BORCS7: variants seen among roughly 807,000 people sequenced by gnomAD.
The protein encoded by BORCS7 is BLOC-1 related complex subunit 7.
Under a neutral mutation model 17.5 loss-of-function variants are expected in BORCS7, and 20 were observed. The ratio of observed to expected loss-of-function variants is 1.14; its 90% CI spans 0.80 to 1.66. The LOEUF is 1.66. BORCS7 is among the 40% of genes most tolerant of loss of function. BORCS7 has a pLI of 0.00. For synonymous variants in BORCS7, 57 were observed against 49.8 expected (o/e 1.14, Z -0.61); for missense variants, 122 against 129.7 (o/e 0.94, Z 0.29).
At chr10:102,859,559 A>ATTTTTTTTTTC (rs1554882211) in intron 1 of BORCS7, among the ~76,000 whole-genome samples, 2 of 115,396 alleles carry the variant, frequency 1.7e-5, no homozygotes, top group African/African-American at 6.6e-5. Context: ...CTCTTATTCC[A>ATTTTTTTTTTC]TTTTTTTTTT....
chr10:102,861,272 C>T (rs960241447), intron 3 of BORCS7, among the ~76,000 whole-genome samples: 4 of 151,368 alleles, frequency 2.6e-5, no homozygotes, highest in Non-Finnish European at 5.9e-5. Flanking sequence ...AAAAAGTAGC[C>T]GGGTGTGGTG....
At chr10:102,860,469 T>C (rs1357430503) in intron 2 of BORCS7, 29 bp from the exon 3 acceptor site, 1 of 1,611,428 alleles carries the variant, frequency 6.2e-7, no homozygotes, top group Admixed American at 1.7e-5. Flanking sequence ...AGTGGAAATG[T>C]TCTATTTCTC....
intron 4 of BORCS7, 69 bp from the exon 5 acceptor site, chr10:102,862,804 A>T: frequency 1.4e-6 from 2 of 1,448,944 alleles, no homozygotes; most frequent in Admixed American, 1.7e-5. Context: ...AAAATTTGTA[A>T]ATAGTTGTAC....
chr10:102,854,477 CT>C (rs1349002519), intron 1 of BORCS7, 50 bp downstream of exon 1: 1 of 1,505,132 alleles, frequency 6.6e-7, no homozygotes, highest in Admixed American at 2.2e-5. Flanking sequence ...GAGTCGCAGT[CT>C]TTCGTTGCTG....
At chr10:102,862,824 T>G in intron 4 of BORCS7, 49 bp from the exon 5 acceptor site, 1 of 1,526,936 alleles carries the variant, frequency 6.5e-7, no homozygotes, top group Non-Finnish European at 9.1e-7. Context: ...CAAAGATGTC[T>G]TTATTATTGC....
intron 3 of BORCS7, among the ~76,000 whole-genome samples, chr10:102,861,528 C>G (rs553958849): frequency 6.6e-6 from 1 of 151,578 alleles, no homozygotes; most frequent in East Asian, 1.9e-4. Flanking sequence ...ATTAGCCTGG[C>G]CAACACGGCA....
At chr10:102,858,466 A>C (rs978978523) in intron 1 of BORCS7, among the ~76,000 whole-genome samples, 1 of 152,008 alleles carries the variant, frequency 6.6e-6, no homozygotes, top group African/African-American at 2.4e-5. Flanking sequence ...CCTGGCCAAC[A>C]CAGTGAAACC....
chr10:102,862,581 C>T (rs1373935297), intron 4 of BORCS7, among the ~76,000 whole-genome samples: 2 of 152,166 alleles, frequency 1.3e-5, no homozygotes, highest in Admixed American at 6.5e-5. Context: ...AGTTTAAACA[C>T]TTCTGGGACA....
At chr10:102,860,685 A>G (rs1590213154) in intron 3 of BORCS7, 144 bp downstream of exon 3, 3 of 808,120 alleles carry the variant, frequency 3.7e-6, no homozygotes, top group African/African-American at 1.7e-5. Context: ...TCTCGATGGC[A>G]AAGATGCCTG....
intron 1 of BORCS7, among the ~76,000 whole-genome samples, chr10:102,860,073 C>A (rs1844491806): frequency 6.6e-6 from 1 of 152,222 alleles, no homozygotes; most frequent in Admixed American, 6.5e-5. Flanking sequence ...AACAGCCCAG[C>A]AGTTAGGAAG....
In BORCS7 at chr10:102,860,512, G is replaced by A; in HGVS notation, c.219G>A (p.Met73Ile). Residue 73 changes from methionine to isoleucine, a missense_variant, in exon 3 of 5, where the codon ATG becomes ATA. Transcript: ENST00000339834. ...TTTTTATGCAGAGTTTAAGGAAGAT[G>A]GCAATAATAACAACACATCTTCAAT... Reference protein sequence around the residue: ...ILHSEDSLRKMAIITTHLQYQ... With the variant: ...ILHSEDSLRKIAIITTHLQYQ... 1 of 1,613,278 alleles carries A rather than the reference G, an allele frequency of 6.2e-7. No individual in the cohort carries two copies. The highest frequency in any genetic ancestry group is 1.1e-5 in the South Asian group (1 of 91,056).
chr10:102,858,278 G>T (rs1351327784), intron 1 of BORCS7, among the ~76,000 whole-genome samples: 1 of 151,900 alleles, frequency 6.6e-6, no homozygotes, highest in African/African-American at 2.4e-5. Flanking sequence ...GTAGGAAAGT[G>T]GTATGGAGGA....
At position 102,860,536 on chromosome 10, in the gene BORCS7, A is replaced by G; in HGVS notation, c.243A>G (p.Gln81=). 3 of 1,612,764 alleles carry G rather than the reference A, an allele frequency of 1.9e-6. No individual in the cohort carries two copies. Among genetic ancestry groups the G allele is most frequent in the Non-Finnish European group, 1.7e-6 (2 of 1,178,756 alleles). The change falls in exon 3 of 5, where the codon CAA becomes CAG. Residue 81 remains glutamine (Q), a synonymous_variant. Transcript: ENST00000339834. The stretch of plus-strand genomic sequence containing the variant: ...TGGCAATAATAACAACACATCTTCA[A>G]TACCAGTGAGTATGCCCCCTCCAGC... ...RKMAIITTHL[Q]YQQEAIQKNV...
In BORCS7 at chr10:102,864,475, A is replaced by T. The variant is rs935064737; in HGVS notation, c.*1551A>T. The T allele has an allele frequency of 1.3e-5, 2 of 152,210 alleles. No individual in the cohort carries two copies. The highest frequency in any genetic ancestry group is 6.5e-5 in the Admixed American group (1 of 15,276). The allele number at this position is 152,210 out of a possible 1,614,324, so 9.4% of individuals were successfully genotyped here. Reference sequence around the variant, plus strand: ...TGCAGTCATTACAAGAAGCAAAGAAATACTTAAGTTAGAAAAAAATTAAAA... The same window carrying T: ...TGCAGTCATTACAAGAAGCAAAGAATTACTTAAGTTAGAAAAAAATTAAAA... On this transcript the variant is annotated 3_prime_UTR_variant, in exon 5 of 5. Transcript: ENST00000339834.
Position 102,863,198 on chromosome 10 carries a change from G to T in BORCS7, c.*274G>T. 3.9e-6 allele frequency: 1 copy of T among 259,224 alleles called. No homozygotes were observed. The highest frequency in any genetic ancestry group is 7.5e-6 in the Non-Finnish European group (1 of 133,594). The allele number at this position is 259,224 out of a possible 1,614,324, so 16.1% of individuals were successfully genotyped here. A position where few individuals can be genotyped will look rare whatever the true frequency, so the allele number is the denominator to read the frequency against. ...AAAATACAAAGAATTAGCTGGGCGT[G>T]GTGGCGGGCGCCTGTAATCCCAGCT... On this transcript the variant is annotated 3_prime_UTR_variant, in exon 5 of 5. Coordinates refer to ENST00000339834, the MANE Select transcript of BORCS7 (RefSeq NM_001136200.2).
intron 4 of BORCS7, 21 bp downstream of exon 4, chr10:102,862,201 AG>A (rs1309170954): frequency 2.5e-6 from 4 of 1,605,020 alleles, no homozygotes; most frequent in Non-Finnish European, 2.6e-6. Context: ...CCAAAGGTAG[AG>A]GAGTAGGGAA....
At position 102,862,933 on chromosome 10, in the gene BORCS7, G is replaced by T; in HGVS notation, c.*9G>T. On this transcript the variant is annotated 3_prime_UTR_variant, in exon 5 of 5. Transcript: ENST00000339834. Reference sequence around the variant, plus strand: ...ATCATCTGTTGAAATAGAATGACATGTAAGAGTGCTGTAGGACTCCTTTGC... The same window carrying T: ...ATCATCTGTTGAAATAGAATGACATTTAAGAGTGCTGTAGGACTCCTTTGC... 2 of 1,603,226 alleles carry T rather than the reference G, an allele frequency of 1.2e-6. No individual in the cohort carries two copies. The highest frequency in any genetic ancestry group is 1.7e-6 in the Non-Finnish European group (2 of 1,170,022).
chr10:102,861,016 T>G (rs1463044100), intron 3 of BORCS7, among the ~76,000 whole-genome samples: 1 of 152,228 alleles, frequency 6.6e-6, no homozygotes, highest in Admixed American at 6.5e-5. Context: ...TAGGGAATTT[T>G]GAAATATAAG....
At chr10:102,860,609 T>G in intron 3 of BORCS7, 68 bp downstream of exon 3, 2 of 1,548,350 alleles carry the variant, frequency 1.3e-6, no homozygotes, top group Non-Finnish European at 1.8e-6. Flanking sequence ...TCATGGACTT[T>G]GTGCTTCAGC....
Sources: gnomAD v4.1 joint callset for allele counts (sites outside exome capture counted in the v4.1 genomes callset) on GRCh38, gnomAD v4.1.1 for gene constraint, MANE v1.5 for transcripts, NCBI Gene and HGNC (gene_info 2026-07-23, HGNC 2026-07-21) for gene names.